The following USP42 variants were observed in gnomAD, a reference collection of about 807,000 sequenced individuals.
The protein encoded by USP42 is ubiquitin specific peptidase 42.
A neutral mutation model predicts 113.0 loss-of-function variants in USP42; 23 were observed. The observed-to-expected ratio is 0.20, with a 90% CI of 0.15 to 0.29. The LOEUF is 0.29. Among genes scored for constraint, USP42 ranks in the 10% least tolerant of loss-of-function variants. The pLI is 1.00. For missense variants in USP42, 2,174 were observed against 1,779.8 expected (o/e 1.22, Z -3.99); for synonymous variants, 933 against 699.0 (o/e 1.33, Z -5.28).
At chr7:6,138,728 C>G (rs1781290818) in intron 4 of USP42, among the ~76,000 whole-genome samples, 1 of 152,194 alleles carries the variant, frequency 6.6e-6, no homozygotes, top group African/African-American at 2.4e-5. Flanking sequence ...ATTAGATTCT[C>G]ATAGCAGCGC....
chr7:6,153,624 A>C, intron 14 of USP42, 132 bp from the exon 15 acceptor site: 1 of 1,171,420 alleles, frequency 8.5e-7, no homozygotes, highest in Non-Finnish European at 1.1e-6. Flanking sequence ...CCTGAAACTT[A>C]AAGTATAATA....
rs773850758 is a variant in USP42 at position 6,155,072 on chromosome 7, A to G, written c.3518A>G (p.His1173Arg). The change falls in exon 15 of 18, where the codon CAT becomes CGT. Residue 1173 changes from histidine (H) to arginine (R), a missense_variant. His to Arg is a conservative substitution (Grantham distance 29). Transcript: ENST00000306177. ...RHDSVENSDS[H>R]VEKKARRSEQ... The stretch of plus-strand genomic sequence containing the variant: ...GACAGTGTGGAGAACAGTGACAGTC[A>G]TGTTGAAAAGAAAGCCCGGAGGAGC... 48 of 1,563,380 alleles carry G rather than the reference A, an allele frequency of 3.1e-5. No individual in the cohort carries two copies. Among genetic ancestry groups the G allele is most frequent in the Middle Eastern group, 1.7e-4 (1 of 6,032 alleles).
At chr7:6,115,566 C>A (rs920742647) in intron 3 of USP42, 43 bp downstream of exon 3, 1 of 1,592,470 alleles carries the variant, frequency 6.3e-7, no homozygotes. Flanking sequence ...AGTGCGCTAA[C>A]CTACTTTCAT....
intron 3 of USP42, among the ~76,000 whole-genome samples, chr7:6,126,364 A>G (rs1371258282): frequency 6.6e-6 from 1 of 151,188 alleles, no homozygotes; most frequent in Non-Finnish European, 1.5e-5. Context: ...AGCTCACTGC[A>G]GGCTTCGCCT....
chr7:6,097,500 G>C, the USP42 span, among the ~76,000 whole-genome samples: 19,465 of 147,852 alleles, frequency 0.13, 1,680 homozygotes, highest in Admixed American at 0.22. Context: ...TCCAATTCCT[G>C]GCCTCAAGTG....
chr7:6,130,215 G>T (rs1426484693), intron 3 of USP42, among the ~76,000 whole-genome samples: 2 of 152,208 alleles, frequency 1.3e-5, no homozygotes, highest in Non-Finnish European at 2.9e-5. Context: ...TAGCCAACTT[G>T]CTCTGACACT....
rs769861744 is a variant in USP42, at chr7:6,145,904, TATTA to T, written c.1132-242_1132-239del. 1.9e-3 allele frequency among the ~76,000 whole-genome samples: 296 copies of T among 152,272 alleles called. 2 individuals are homozygous for T. The highest frequency in any genetic ancestry group is 3.4e-3 in the Non-Finnish European group (228 of 68,012). On this transcript the variant is annotated intron_variant, in intron 10 of 17. Transcript: ENST00000306177. ...GGCCAACAGGGTGAAACCCCGCCTC[TATTA>T]AAAATACAAAAATTATCTGCGTGTG...
intron 3 of USP42, among the ~76,000 whole-genome samples, chr7:6,133,465 C>G (rs1583631784): frequency 1.3e-5 from 2 of 152,260 alleles, no homozygotes; most frequent in African/African-American, 4.8e-5. Context: ...ATCTTTTCTT[C>G]TGTGGTGTCT....
chr7:6,134,509 T>C (rs967561989), intron 3 of USP42, among the ~76,000 whole-genome samples: 7 of 152,148 alleles, frequency 4.6e-5, no homozygotes, highest in African/African-American at 1.7e-4. Context: ...TTAAGCGTTA[T>C]TAGGTGCGTC....
chr7:6,081,668 G>C, the USP42 span: 1 of 152,276 alleles, frequency 6.6e-6, no homozygotes, highest in Non-Finnish European at 1.5e-5. Context: ...TCTCTGGTGG[G>C]CTAGTCTTCG....
Position 6,139,194 on chromosome 7 carries a change from A to G in USP42, c.656A>G (p.Lys219Arg). 1 of 1,597,566 alleles carries G rather than the reference A, an allele frequency of 6.3e-7. No individual in the cohort carries two copies. Among genetic ancestry groups the G allele is most frequent in the Non-Finnish European group, 8.5e-7 (1 of 1,171,336 alleles). Residue 219 changes from lysine (K) to arginine (R), a missense_variant and splice_region_variant, in exon 5 of 18, where the codon AAA becomes AGA. Coordinates refer to ENST00000306177, the MANE Select transcript of USP42 (RefSeq NM_032172.3). This position sits in a 1 kb window ranked among gnomAD's most constrained non-coding sequence, Gnocchi z 4.5. The stretch of plus-strand genomic sequence containing the variant: ...AAAGCATGCTTGAATGGCAGCAATA[A>G]GTAAGTACAACAGAGCGCCAGCCAT... ...MQKACLNGSNKLDRHTQATTL... is the reference protein window; with the variant it reads ...MQKACLNGSNRLDRHTQATTL...
chr7:6,105,599 C>T (rs930664443), intron 1 of USP42, among the ~76,000 whole-genome samples: 2 of 152,144 alleles, frequency 1.3e-5, no homozygotes. Context: ...CTCCCCAGGC[C>T]TAGCCACCTG....
chr7:6,109,776 C>T (rs1779496296), intron 1 of USP42, among the ~76,000 whole-genome samples: 2 of 147,800 alleles, frequency 1.4e-5, no homozygotes, highest in Admixed American at 1.4e-4. Context: ...TTTTGGCTCT[C>T]TGCAACTTCT....
upstream of USP42, among the ~76,000 whole-genome samples, chr7:6,100,004 C>CTATTTTTATTATTATTATTAT (rs141280623): frequency 8.7e-3 from 1,254 of 144,318 alleles, 22 homozygotes; most frequent in East Asian, 0.024. Flanking sequence ...TTTCACAAGT[C>CTATTTTTATTATTATTATTAT]TATTATTATT....
rs117177787 is a variant in USP42 at position 6,159,509 on chromosome 7, G to C, written c.*36+16G>C. The C allele has an allele frequency of 1.5e-5, 24 of 1,611,192 alleles. No homozygotes were observed. The highest frequency in any genetic ancestry group is 2.0e-5 in the Non-Finnish European group (24 of 1,177,640). On this transcript the variant is annotated intron_variant, in intron 17 of 17. Coordinates refer to ENST00000306177, the MANE Select transcript of USP42 (RefSeq NM_032172.3). The surrounding 1 kb of genome is among the most constrained non-coding windows in gnomAD (Gnocchi z 4.1). ...ACTAGTTATGGTAAGCTGTTTTCCTGTCTGTTTCCTCATTGTTTGTGGTGG... is the reference window on the plus strand; with the variant it reads ...ACTAGTTATGGTAAGCTGTTTTCCTCTCTGTTTCCTCATTGTTTGTGGTGG...
chr7:6,116,838 G>C (rs1315774811), intron 3 of USP42: 2 of 532,810 alleles, frequency 3.8e-6, no homozygotes, highest in Non-Finnish European at 7.7e-6. Context: ...TCACTTTTGC[G>C]CTTAATGAAA....
chr7:6,110,282 A>G (rs1187591133), intron 1 of USP42, among the ~76,000 whole-genome samples: 3 of 152,152 alleles, frequency 2.0e-5, no homozygotes, highest in Admixed American at 6.6e-5. Flanking sequence ...TCTCAGTCCC[A>G]GTTGCTGACT....
intron 12 of USP42, among the ~76,000 whole-genome samples, chr7:6,148,354 AAAAC>A (rs1465985308): frequency 2.6e-5 from 4 of 152,192 alleles, no homozygotes; most frequent in East Asian, 3.9e-4. Flanking sequence ...ACCCCCCAAA[AAAAC>A]AAAAACCCCA....
At chr7:6,147,947 C>G (rs755040467) in intron 12 of USP42, 55 bp downstream of exon 12, 58 of 1,520,518 alleles carry the variant, frequency 3.8e-5, no homozygotes, top group Non-Finnish European at 4.9e-5. Context: ...AATGTAACTT[C>G]AAACTCTCAA....
Sources: allele counts gnomAD v4.1 joint callset (sites outside exome capture counted in the v4.1 genomes callset), GRCh38; gene constraint gnomAD v4.1.1; non-coding constraint Gnocchi (gnomAD v3.1); transcripts MANE v1.5; gene names NCBI Gene and HGNC (gene_info 2026-07-23, HGNC 2026-07-21).